CEP72: variants seen among roughly 807,000 people sequenced by gnomAD.
CEP72 encodes centrosomal protein of 72 kDa.
In CEP72, 78 loss-of-function variants were observed where a neutral mutation model predicts 65.7. The observed-to-expected ratio is 1.19, with a 90% CI of 0.99 to 1.43. The LOEUF is 1.43. CEP72 is among the 40% of genes most tolerant of loss of function. The probability of loss-of-function intolerance (pLI) is 0.00; values close to 1 mark genes in which losing one functional copy is unlikely to be tolerated. For synonymous variants in CEP72, 358 were observed against 351.7 expected (o/e 1.02, Z -0.20); for missense variants, 914 against 832.9 (o/e 1.10, Z -1.20).
chr5:643,970 C>T (rs774873588), intron 9 of CEP72, among the ~76,000 whole-genome samples: 11 of 152,218 alleles, frequency 7.2e-5, no homozygotes, highest in Non-Finnish European at 1.2e-4. Context: ...TTCCCCCAAC[C>T]GCCACCAGCT....
In CEP72 at chr5:623,376, C is replaced by A. The variant is rs1243277003; in HGVS notation, c.404-1095C>A. On this transcript the variant is annotated intron_variant, in intron 3 of 11. Transcript: ENST00000264935. The surrounding 1 kb of genome is among the most constrained non-coding windows in gnomAD (Gnocchi z 5.3). ...GCTCGGTCCTTGGCTCCGCGTGGGT[C>A]ATGGAAAGGCCCCGGTGGTGGAGGA... Among the ~76,000 whole-genome samples, 1 of 152,182 alleles carries A rather than the reference C, an allele frequency of 6.6e-6. No homozygotes were observed. The highest frequency in any genetic ancestry group is 1.5e-5 in the Non-Finnish European group (1 of 68,026).
chr5:628,977 G>A (rs369719389), intron 4 of CEP72, among the ~76,000 whole-genome samples: 2 of 140,172 alleles, frequency 1.4e-5, no homozygotes, highest in Admixed American at 1.4e-4. Context: ...AGTGTTCCCA[G>A]GACCCAGCCC....
chr5:673,547 C>T, the CEP72 span, among the ~76,000 whole-genome samples: 1 of 152,190 alleles, frequency 6.6e-6, no homozygotes, highest in Non-Finnish European at 1.5e-5. Context: ...GCAGGACAAT[C>T]TCCCACACGG....
At chr5:651,087 GGACTGTGAGGCGTGGACTGTGAGGTGT>G (rs1159482301) in intron 11 of CEP72, among the ~76,000 whole-genome samples, 1 of 55,716 alleles carries the variant, frequency 1.8e-5, no homozygotes. Flanking sequence ...TGTGAGGCGT[GGACTGTGAGGCGTGGACTGTGAGGTGT>G]GACTGTGAGG....
intron 1 of CEP72, among the ~76,000 whole-genome samples, chr5:616,666 C>T (rs1709535): frequency 0.63 from 95,696 of 151,844 alleles, 30,334 homozygotes; most frequent in Non-Finnish European, 0.66. Context: ...GCCTCACCCA[C>T]GGCCTCTGGC....
chr5:653,915 A>G (rs1739265906), downstream of CEP72, among the ~76,000 whole-genome samples: 1 of 152,220 alleles, frequency 6.6e-6, no homozygotes, highest in Non-Finnish European at 1.5e-5. Context: ...CTGATTTGGG[A>G]AGAATGAGCA....
chr5:648,868 G>A (rs1738662185), intron 11 of CEP72, among the ~76,000 whole-genome samples: 5 of 121,258 alleles, frequency 4.1e-5, no homozygotes, highest in Admixed American at 8.1e-5. Flanking sequence ...TGACTGTGAG[G>A]TGTGACTGTG....
At chr5:658,426 T>G (rs1739440952), downstream of CEP72, among the ~76,000 whole-genome samples, 1 of 152,198 alleles carries the variant, frequency 6.6e-6, no homozygotes, top group African/African-American at 2.4e-5. Context: ...AGCATCTGCC[T>G]CCCGGGGACT....
downstream of CEP72, among the ~76,000 whole-genome samples, chr5:667,434 C>T (rs147539968): frequency 2.4e-3 from 370 of 152,244 alleles, 3 homozygotes; most frequent in Middle Eastern, 0.014. Flanking sequence ...AAATAGATGA[C>T]GGTCCTAATT....
chr5:642,592 G>T (rs1738130368), intron 9 of CEP72: 1 of 985,384 alleles, frequency 1.0e-6, no homozygotes, highest in African/African-American at 1.7e-5. Context: ...GTCACATGCA[G>T]CTGTGGCTGC....
intron 3 of CEP72, among the ~76,000 whole-genome samples, chr5:665,492 C>T (rs749214999): frequency 7.9e-5 from 12 of 152,040 alleles, no homozygotes; most frequent in Non-Finnish European, 1.8e-4. Context: ...TGCGGGGTGC[C>T]ACAACCCTAA....
chr5:626,997 C>A lies in CEP72; in HGVS notation c.512+2418C>A, dbSNP rs115605445. ...TGTGGTTTTCTTATATTGCCTTTGT[C>A]TGGTTTTGGTTTTAGGATCATGCTG... On this transcript the variant is annotated intron_variant, in intron 4 of 11. Coordinates refer to ENST00000264935, the MANE Select transcript of CEP72 (RefSeq NM_018140.4). Among the ~76,000 whole-genome samples the A allele has an allele frequency of 9.4e-3, 1,432 of 152,234 alleles. 6 individuals are homozygous for A. The highest frequency in any genetic ancestry group is 0.014 in the Non-Finnish European group (958 of 68,018).
intron 3 of CEP72, among the ~76,000 whole-genome samples, chr5:621,939 A>G (rs1736422950): frequency 6.6e-6 from 1 of 152,092 alleles, no homozygotes. Flanking sequence ...GTGCCCTGCT[A>G]ATTTGTGTCT....
the CEP72 span, among the ~76,000 whole-genome samples, chr5:674,152 C>T: frequency 6.6e-6 from 1 of 152,236 alleles, no homozygotes; most frequent in Non-Finnish European, 1.5e-5. Flanking sequence ...CACCCACAAG[C>T]ACCATCTCCA....
At chr5:654,413 G>GTGCTAGCTGTGTGTGTC (rs1274921991), downstream of CEP72, among the ~76,000 whole-genome samples, 2 of 151,004 alleles carry the variant, frequency 1.3e-5, no homozygotes, top group Non-Finnish European at 2.9e-5. Context: ...GTGTGCTTGT[G>GTGCTAGCTGTGTGTGTC]TGCTAGCTGT....
At chr5:675,488 A>AGTGTGGCCGGGGGTC in the CEP72 span, among the ~76,000 whole-genome samples, 3 of 26,200 alleles carry the variant, frequency 1.1e-4, no homozygotes, top group African/African-American at 4.5e-4. Context: ...GGCCAGGGGT[A>AGTGTGGCCGGGGGTC]CATTGTGGCC....
chr5:648,445 T>A (rs946893034), intron 11 of CEP72, among the ~76,000 whole-genome samples: 1 of 139,058 alleles, frequency 7.2e-6, no homozygotes, highest in Non-Finnish European at 1.5e-5. Context: ...GTATCAACCC[T>A]GAGTGTGAGG....
downstream of CEP72, among the ~76,000 whole-genome samples, chr5:656,691 T>A (rs1245785046): frequency 6.6e-6 from 1 of 152,238 alleles, no homozygotes; most frequent in Admixed American, 6.5e-5. Context: ...CACACAGTCA[T>A]GTTTTCTATG....
intron 8 of CEP72, among the ~76,000 whole-genome samples, chr5:640,143 C>T (rs1193169938): frequency 4.6e-5 from 7 of 152,146 alleles, no homozygotes; most frequent in Admixed American, 6.5e-5. Flanking sequence ...GTTGTGGCGG[C>T]GCCACTGAAA....
Sources: gnomAD v4.1 joint callset for allele counts (sites outside exome capture counted in the v4.1 genomes callset) on GRCh38, gnomAD v4.1.1 for gene constraint, Gnocchi (gnomAD v3.1) non-coding constraint, MANE v1.5 for transcripts, NCBI Gene and HGNC (gene_info 2026-07-23, HGNC 2026-07-21) for gene names.